The following ROBO2 variants were observed in gnomAD, a reference collection of about 807,000 sequenced individuals.
ROBO2 encodes the protein roundabout guidance receptor 2.
ROBO2 carries 53 observed loss-of-function variants against 160.8 expected under a neutral mutation model. That is an observed-to-expected ratio of 0.33 (90% CI 0.26 to 0.41). The LOEUF is 0.41. ROBO2 is among the 10% of genes least tolerant of loss of function. ROBO2 has a pLI of 1.00. For synonymous variants in ROBO2, 664 were observed against 611.7 expected (o/e 1.09, Z -1.26); for missense variants, 1,577 against 1,722.4 (o/e 0.92, Z 1.49).
In ROBO2 at chr3:76,734,156, G is replaced by A. The variant is rs201589335; in HGVS notation, c.110-363858G>A. On this transcript the variant is annotated intron_variant, in intron 2 of 26. Coordinates refer to the ROBO2 transcript ENST00000487694. ...GAACATGGGGGCGGGGGACAAAAACGTCTAGCCCATAATACCCACATTTTA... is the reference window on the plus strand; with the variant it reads ...GAACATGGGGGCGGGGGACAAAAACATCTAGCCCATAATACCCACATTTTA... 3.0e-4 allele frequency among the ~76,000 whole-genome samples: 45 copies of A among 152,144 alleles called. No homozygotes were observed. In the East Asian group the frequency reaches 4.4e-3, roughly 15 times the overall value.
intron 2 of ROBO2, among the ~76,000 whole-genome samples, chr3:76,755,819 T>G (rs1348061699): frequency 1.3e-5 from 2 of 151,870 alleles, no homozygotes; most frequent in East Asian, 2.0e-4. Context: ...CAGTTTTTCC[T>G]CTTTGAATTT....
chr3:76,198,776 A>T (rs1318948682), intron 2 of ROBO2, among the ~76,000 whole-genome samples: 1 of 152,120 alleles, frequency 6.6e-6, no homozygotes, highest in Non-Finnish European at 1.5e-5. Flanking sequence ...AGGTCTTTAG[A>T]TAGGTCTCTT....
At position 77,202,926 on chromosome 3, in the gene ROBO2, G is replaced by A. The variant is rs551003284; in HGVS notation, c.388+104586G>A. ...CAGTTTCTAGCAGAGCTGTGGTTCC[G>A]AACTTTTCCAGCAGAGATGCCCTTA... is the stretch of plus-strand genomic sequence containing the variant. On this transcript the variant is annotated intron_variant, in intron 2 of 25. Coordinates refer to ENST00000461745, the Ensembl canonical transcript of ROBO2. 6.6e-5 allele frequency among the ~76,000 whole-genome samples: 10 copies of A among 152,276 alleles called. No individual in the cohort carries two copies. The South Asian group carries it at 1.7e-3, about 25-fold the overall frequency.
chr3:77,412,963 T>C (rs930356442), intron 2 of ROBO2, among the ~76,000 whole-genome samples: 26 of 152,264 alleles, frequency 1.7e-4, no homozygotes, highest in Admixed American at 9.8e-4. Context: ...ATGCCTGTAA[T>C]CCCAGCGCTT....
chr3:77,412,440 G>T lies in ROBO2; in HGVS notation c.389-64974G>T, dbSNP rs1023122738. Among the ~76,000 whole-genome samples the T allele has an allele frequency of 7.2e-5, 11 of 152,320 alleles. No homozygotes were observed. In the South Asian group the frequency reaches 1.0e-3, roughly 14 times the overall value. On this transcript the variant is annotated intron_variant, in intron 2 of 25. Coordinates refer to ENST00000461745, the Ensembl canonical transcript of ROBO2. ...TTCATGATGGAATGTTTGTTAAAAAGAAAGACTCTAGAGCCCCTCTGTCCT... is the reference window on the plus strand; with the variant it reads ...TTCATGATGGAATGTTTGTTAAAAATAAAGACTCTAGAGCCCCTCTGTCCT...
At chr3:77,541,013 A>C (rs2092436277) in intron 6 of ROBO2, among the ~76,000 whole-genome samples, 1 of 152,248 alleles carries the variant, frequency 6.6e-6, no homozygotes, top group Non-Finnish European at 1.5e-5. Context: ...ATATGTTAGT[A>C]TTTAACAAGT....
chr3:76,691,639 A>G (rs1030909708), intron 2 of ROBO2, among the ~76,000 whole-genome samples: 7 of 152,168 alleles, frequency 4.6e-5, no homozygotes, highest in Non-Finnish European at 1.0e-4. Flanking sequence ...CAATGTTGAT[A>G]CAATCCAAGG....
chr3:76,437,083 A>G (rs1365329393), intron 2 of ROBO2, among the ~76,000 whole-genome samples: 1 of 152,220 alleles, frequency 6.6e-6, no homozygotes, highest in East Asian at 1.9e-4. Flanking sequence ...GCCCAAGACT[A>G]TATGAGTCAT....
In ROBO2 at chr3:76,667,427, G is replaced by A. The variant is rs891168882; in HGVS notation, c.110-430587G>A. On this transcript the variant is annotated intron_variant, in intron 2 of 26. Coordinates refer to the ROBO2 transcript ENST00000487694. ...ATAATGTTTGAAAAAATGTAGAGAC[G>A]GTTTAGGCTTTTTTGTTGGTTTCTG... Among the ~76,000 whole-genome samples, 6 of 152,016 alleles carry A rather than the reference G, an allele frequency of 3.9e-5. No homozygotes were observed. The South Asian group carries it at 6.2e-4, about 16-fold the overall frequency.
intron 2 of ROBO2, among the ~76,000 whole-genome samples, chr3:77,350,070 A>AC (rs202039515): frequency 6.7e-6 from 1 of 148,378 alleles, no homozygotes; most frequent in South Asian, 2.1e-4. Flanking sequence ...ACATTAAAAA[A>AC]AAATATATAT....
intron 2 of ROBO2, among the ~76,000 whole-genome samples, chr3:76,527,530 C>A (rs1000547794): frequency 1.3e-5 from 2 of 152,008 alleles, no homozygotes; most frequent in Non-Finnish European, 2.9e-5. Flanking sequence ...CAAACCAGGC[C>A]TTCTTCATAT....
chr3:76,586,116 T>A (rs1038407852), intron 2 of ROBO2, among the ~76,000 whole-genome samples: 3 of 152,166 alleles, frequency 2.0e-5, no homozygotes, highest in Non-Finnish European at 2.9e-5. Context: ...ACACCAGTAT[T>A]TTTTGTTAAA....
At chr3:77,329,275 C>T (rs564363797) in intron 2 of ROBO2, among the ~76,000 whole-genome samples, 39 of 152,306 alleles carry the variant, frequency 2.6e-4, no homozygotes, top group South Asian at 1.2e-3. Flanking sequence ...ATCTTCTAGA[C>T]GGATACGTGT....
intron 2 of ROBO2, among the ~76,000 whole-genome samples, chr3:76,038,637 T>G (rs549438268): frequency 7.2e-5 from 11 of 152,040 alleles, no homozygotes; most frequent in African/African-American, 2.7e-4. Flanking sequence ...TCTCTCCTTG[T>G]CCTACCATGC....
chr3:76,457,061 G>A (rs1219241861), intron 2 of ROBO2, among the ~76,000 whole-genome samples: 1 of 152,066 alleles, frequency 6.6e-6, no homozygotes, highest in East Asian at 1.9e-4. Flanking sequence ...ATATCATTCT[G>A]TCCCTGGCCC....
At chr3:76,336,989 A>C (rs934246153) in intron 2 of ROBO2, among the ~76,000 whole-genome samples, 35 of 152,214 alleles carry the variant, frequency 2.3e-4, no homozygotes, top group Non-Finnish European at 3.7e-4. Flanking sequence ...TTTAAAAAAA[A>C]CCCACAATCT....
chr3:76,998,322 C>T (rs1167512756), intron 2 of ROBO2, among the ~76,000 whole-genome samples: 3 of 151,918 alleles, frequency 2.0e-5, no homozygotes, highest in Non-Finnish European at 2.9e-5. Flanking sequence ...AAAATAAAAG[C>T]TAGATTGTGT....
chr3:76,778,030 G>A (rs181676862), intron 2 of ROBO2, among the ~76,000 whole-genome samples: 2 of 151,116 alleles, frequency 1.3e-5, no homozygotes, highest in Admixed American at 1.3e-4. Context: ...TACCTCCCTT[G>A]CACCCAGGCA....
At chr3:77,497,831 T>C (rs1195308019) in intron 5 of ROBO2, among the ~76,000 whole-genome samples, 1 of 152,090 alleles carries the variant, frequency 6.6e-6, no homozygotes, top group Non-Finnish European at 1.5e-5. Context: ...ATTTATGTGC[T>C]AAAGCTCTGT....
Sources: allele counts gnomAD v4.1 joint callset (sites outside exome capture counted in the v4.1 genomes callset), GRCh38; gene constraint gnomAD v4.1.1; transcripts MANE v1.5; gene names NCBI Gene and HGNC (gene_info 2026-07-23, HGNC 2026-07-21).